The following WDR44 variants were observed in gnomAD, a reference collection of about 807,000 sequenced individuals.
WDR44 encodes the protein WD repeat domain 44, also known as WD repeat-containing protein 44.
WDR44 carries 9 observed loss-of-function variants against 65.7 expected under a neutral mutation model. The ratio of observed to expected loss-of-function variants is 0.14; its 90% CI spans 0.08 to 0.24. The LOEUF (loss-of-function observed/expected upper bound fraction) is 0.24, where lower values mean the gene tolerates loss of function less well. Ranked by LOEUF, WDR44 falls within the 10% of genes least tolerant of loss-of-function variation. The pLI, the probability that WDR44 is intolerant of heterozygous loss-of-function variation, is 1.00. For synonymous variants in WDR44, 220 were observed against 235.2 expected, an observed-to-expected ratio of 0.94 and a Z score of 0.59; for missense variants, 425 against 670.9, an observed-to-expected ratio of 0.63 and a Z score of 4.05.
intron 2 of WDR44, among the ~76,000 whole-genome samples, chrX:118,380,235 T>C (rs1296046649): frequency 1.8e-5 from 2 of 111,744 alleles, no homozygotes; most frequent in Non-Finnish European, 3.8e-5. Context: ...ATAGTACAAT[T>C]TTAAAATGAG....
chrX:118,404,979 C>T (rs2056951181), intron 9 of WDR44, among the ~76,000 whole-genome samples: 1 of 111,913 alleles, frequency 8.9e-6, no homozygotes, highest in Non-Finnish European at 1.9e-5. Context: ...GGATTACAGG[C>T]GTGAGCCACT....
chrX:118,449,613 A>C lies in WDR44; in HGVS notation c.*626A>C, dbSNP rs1345292563. ...TACATATAATTTTTTTTTCTTTGCC[A>C]CACTGGAGCACAATGTTTCTATGTA... On this transcript the variant is annotated 3_prime_UTR_variant, in exon 20 of 20. Transcript: ENST00000254029. The C allele has an allele frequency of 9.1e-6, 1 of 109,984 alleles. No homozygotes were observed. Among genetic ancestry groups the C allele is most frequent in the Non-Finnish European group, 1.9e-5 (1 of 52,641 alleles). 9.1% of individuals were successfully genotyped at this position (109,984 alleles called of 1,213,427 possible).
At position 118,409,586 on chromosome X, in the gene WDR44, T is replaced by A. The variant is rs751332749; in HGVS notation, c.1631T>A (p.Phe544Tyr). 20 of 1,205,218 alleles carry A rather than the reference T, an allele frequency of 1.7e-5. No individual in the cohort carries two copies. Among genetic ancestry groups the A allele is most frequent in the Non-Finnish European group, 2.0e-5 (18 of 892,866 alleles). ...AGAATATGGGCTTTAAAAAATGCTT[T>A]TGACTATTTCAACAATATGCGAATG... is the stretch of plus-strand genomic sequence containing the variant. ...VVRIWALKNA[F>Y]DYFNNMRMKY... The change falls in exon 11 of 20, where the codon TTT (phenylalanine) becomes TAT (tyrosine). Residue 544 changes from phenylalanine to tyrosine, a missense_variant. Coordinates refer to ENST00000254029, the MANE Select transcript of WDR44 (RefSeq NM_019045.5).
intron 15 of WDR44, 71 bp from the exon 16 acceptor site, chrX:118,442,173 C>A: frequency 1.1e-6 from 1 of 946,261 alleles, no homozygotes; most frequent in Non-Finnish European, 1.5e-6. Context: ...TCCTGAGTAG[C>A]TAGAGTTACA....
At position 118,387,099 on chromosome X, in the gene WDR44, T is replaced by A. The variant is rs763651018; in HGVS notation, c.112-241T>A. The stretch of plus-strand genomic sequence containing the variant: ...CGGGAGGCTGAGGCAGGAGAATCAC[T>A]TGAACCCGGGAAGCAGAGGTTGCAG... On this transcript the variant is annotated intron_variant, in intron 2 of 19. Transcript: ENST00000254029. 1.9e-3 allele frequency among the ~76,000 whole-genome samples: 202 copies of A among 105,666 alleles called. 1 individual carries two copies. The highest frequency in any genetic ancestry group is 6.8e-3 in the African/African-American group (194 of 28,682). The allele number at this position is 105,666 out of a possible 115,157, so 91.8% of individuals were successfully genotyped here. A position where few individuals can be genotyped will look rare whatever the true frequency, so the allele number is the denominator to read the frequency against.
chrX:118,378,315 A>G (rs2056680542), intron 1 of WDR44, 104 bp from the exon 2 acceptor site: 2 of 680,679 alleles, frequency 2.9e-6, no homozygotes, highest in East Asian at 3.3e-5. Flanking sequence ...GTCACAAAAT[A>G]TATACACATT....
intron 3 of WDR44, 76 bp downstream of exon 3, chrX:118,387,490 ATTC>A (rs933722662): frequency 1.3e-6 from 1 of 744,801 alleles, no homozygotes; most frequent in African/African-American, 2.2e-5. Context: ...CAGCTTTTAT[ATTC>A]TTTTAGTATA....
At chrX:118,430,067 A>G (rs772003942) in intron 12 of WDR44, among the ~76,000 whole-genome samples, 2 of 112,059 alleles carry the variant, frequency 1.8e-5, no homozygotes, top group African/African-American at 3.2e-5. Flanking sequence ...AAATACAGAA[A>G]ATGCTCATGG....
chrX:118,352,321 TATATATA>T (rs1569354300), intron 1 of WDR44, among the ~76,000 whole-genome samples: 3 of 8,558 alleles, frequency 3.5e-4, no homozygotes, highest in African/African-American at 1.2e-3. Context: ...AGCTAATTTA[TATATATA>T]TATATATATA....
At chrX:118,402,510 G>A (rs1268587214) in intron 8 of WDR44, among the ~76,000 whole-genome samples, 2 of 108,167 alleles carry the variant, frequency 1.8e-5, no homozygotes, top group Admixed American at 1.0e-4. Context: ...CACTTTGGGA[G>A]GCCAAGGCAG....
At chrX:118,409,361 C>T (rs781272068) in intron 10 of WDR44, 128 bp from the exon 11 acceptor site, 2 of 657,089 alleles carry the variant, frequency 3.0e-6, no homozygotes, top group Admixed American at 7.0e-5. Flanking sequence ...AACTCCTGAC[C>T]TTAGGTGATC....
At chrX:118,409,908 A>G (rs1351981130) in intron 11 of WDR44, among the ~76,000 whole-genome samples, 1 of 112,285 alleles carries the variant, frequency 8.9e-6, no homozygotes, top group African/African-American at 3.2e-5. Context: ...CTTCAGTTCT[A>G]TCCTAGGTTA....
chrX:118,416,743 T>C (rs766873161), intron 12 of WDR44, among the ~76,000 whole-genome samples: 15 of 112,001 alleles, frequency 1.3e-4, no homozygotes, highest in Non-Finnish European at 2.8e-4. Context: ...GTTTCTTTGT[T>C]GACTTTCTGC....
rs1294264947 is a variant in WDR44 at position 118,392,741 on chromosome X, T to C, written c.296T>C (p.Val99Ala). ...GATCAAGCTACTGCCAGTCCTATTGTGGCTAGAACAGATCTGAGCAATATA... is the reference window on the plus strand; with the variant it reads ...GATCAAGCTACTGCCAGTCCTATTGCGGCTAGAACAGATCTGAGCAATATA... ...LSDQATASPIVARTDLSNIPG... is the reference protein window; with the variant it reads ...LSDQATASPIAARTDLSNIPG... The change falls in exon 4 of 20, where the codon GTG becomes GCG. Residue 99 changes from valine to alanine, a missense_variant. Val to Ala is a moderately conservative substitution (Grantham distance 64, BLOSUM62 0). Transcript: ENST00000254029. 16 of 1,211,902 alleles carry C rather than the reference T, an allele frequency of 1.3e-5. No homozygotes were observed.
intron 1 of WDR44, among the ~76,000 whole-genome samples, chrX:118,364,512 G>A (rs929546257): frequency 8.9e-6 from 1 of 112,132 alleles, no homozygotes; most frequent in African/African-American, 3.2e-5. Context: ...CAGCTTATCA[G>A]ATTGTGACCT....
chrX:118,388,145 A>G (rs12851957), intron 3 of WDR44, among the ~76,000 whole-genome samples: 14,525 of 111,311 alleles, frequency 0.13, 791 homozygotes, highest in Admixed American at 0.25. Flanking sequence ...CTACTTACTA[A>G]ATGCCAATAG....
chrX:118,346,376 C>T lies in WDR44; in HGVS notation c.-128C>T. 1 of 563,318 alleles carries T rather than the reference C, an allele frequency of 1.8e-6. No homozygotes were observed. Among genetic ancestry groups the T allele is most frequent in the Non-Finnish European group, 3.1e-6 (1 of 327,003 alleles). The allele number at this position is 563,318 out of a possible 1,213,427, so 46.4% of individuals were successfully genotyped here. A position where few individuals can be genotyped will look rare whatever the true frequency, so the allele number is the denominator to read the frequency against. ...TAACAGTCTCCTCGCTACAGATCGT[C>T]TGCTCCCTCAGCCTCGCCCGAGACC... On this transcript the variant is annotated 5_prime_UTR_variant, in exon 1 of 20. Coordinates refer to ENST00000254029, the MANE Select transcript of WDR44 (RefSeq NM_019045.5).
In WDR44 at chrX:118,392,720, A is replaced by G. The variant is rs567760627; in HGVS notation, c.275A>G (p.Gln92Arg). ...LDSKGKELSD[Q>R]ATASPIVART... is the part of the protein sequence containing the mutation. ...TCCAAAGGAAAAGAACTCTCTGATC[A>G]AGCTACTGCCAGTCCTATTGTGGCT... Residue 92 changes from glutamine (Q) to arginine (R), a missense_variant, in exon 4 of 20, where the codon CAA becomes CGA. Transcript: ENST00000254029. 2 of 1,211,836 alleles carry G rather than the reference A, an allele frequency of 1.7e-6. No individual in the cohort carries two copies. The highest frequency in any genetic ancestry group is 2.2e-6 in the Non-Finnish European group (2 of 895,415).
chrX:118,385,686 G>T (rs1172799509), intron 2 of WDR44, among the ~76,000 whole-genome samples: 1 of 111,720 alleles, frequency 9.0e-6, no homozygotes, highest in Non-Finnish European at 1.9e-5. Context: ...AGGATAATGT[G>T]ATAGAAAGTT....
Sources: gnomAD v4.1 joint callset for allele counts (sites outside exome capture counted in the v4.1 genomes callset) on GRCh38, gnomAD v4.1.1 for gene constraint, MANE v1.5 for transcripts, NCBI Gene and HGNC (gene_info 2026-07-23, HGNC 2026-07-21) for gene names.